The following ASIC2 variants were observed in gnomAD, a reference collection of about 807,000 sequenced individuals.
ASIC2 encodes the protein acid sensing ion channel subunit 2, also known as acid-sensing ion channel 2.
ASIC2 carries 25 observed loss-of-function variants against 57.3 expected under a neutral mutation model. The observed-to-expected ratio is 0.44, with a 90% CI of 0.32 to 0.61. The LOEUF is 0.61. Among genes scored for constraint, ASIC2 ranks in the 20% least tolerant of loss-of-function variants. The pLI, the probability that ASIC2 is intolerant of heterozygous loss-of-function variation, is 0.06. For synonymous variants in ASIC2, 319 were observed against 307.5 expected (o/e 1.04, Z -0.39); for missense variants, 641 against 738.1 (o/e 0.87, Z 1.52).
At chr17:33,416,335 T>C (rs973557378) in intron 1 of ASIC2, among the ~76,000 whole-genome samples, 1 of 152,250 alleles carries the variant, frequency 6.6e-6, no homozygotes, top group Admixed American at 6.5e-5. Flanking sequence ...CCATTCATCA[T>C]GGCAGTTGAC....
At chr17:33,156,047 C>T (rs1282137854) in intron 1 of ASIC2, among the ~76,000 whole-genome samples, 1 of 152,116 alleles carries the variant, frequency 6.6e-6, no homozygotes, top group Non-Finnish European at 1.5e-5. Flanking sequence ...CCTCACACAG[C>T]TTTTAAAATC....
rs182398676 is a variant in ASIC2, at chr17:33,465,717, A to G, written c.556-353650T>C. The stretch of plus-strand genomic sequence containing the variant: ...ATAGGTAACTTATTCAGAACAGGAA[A>G]GGTCTGCCCCTTTTCCTTGAAGAAT... On this transcript the variant is annotated intron_variant, in intron 1 of 9. Coordinates refer to the ASIC2 transcript ENST00000359872. 7.7e-4 allele frequency among the ~76,000 whole-genome samples: 118 copies of G among 152,320 alleles called. 1 individual carries two copies. The highest frequency in any genetic ancestry group is 1.2e-3 in the Admixed American group (18 of 15,298).
intron 1 of ASIC2, among the ~76,000 whole-genome samples, chr17:33,819,478 A>C (rs1912684810): frequency 6.6e-6 from 1 of 152,212 alleles, no homozygotes; most frequent in Admixed American, 6.5e-5. Context: ...TAATTGCATT[A>C]ATGCTCTGTA....
intron 3 of ASIC2, among the ~76,000 whole-genome samples, chr17:33,076,650 AT>A: frequency 6.6e-6 from 1 of 152,294 alleles, no homozygotes; most frequent in East Asian, 1.9e-4. Context: ...GGGTGTGGGT[AT>A]TTTTAATACA....
chr17:33,087,723 TA>T (rs199656134), intron 3 of ASIC2, among the ~76,000 whole-genome samples: 2,393 of 147,886 alleles, frequency 0.016, 70 homozygotes, highest in African/African-American at 0.054. Context: ...CTACCATGCC[TA>T]ATTTTTTTTT....
intron 1 of ASIC2, among the ~76,000 whole-genome samples, chr17:33,527,180 G>T (rs1914909937): frequency 2.0e-5 from 3 of 152,184 alleles, no homozygotes; most frequent in Admixed American, 2.0e-4. Flanking sequence ...AGATGTGTGT[G>T]CCAGGGAGGA....
intron 1 of ASIC2, among the ~76,000 whole-genome samples, chr17:34,068,109 G>C (rs889801625): frequency 6.6e-6 from 1 of 152,198 alleles, no homozygotes; most frequent in African/African-American, 2.4e-5. Flanking sequence ...AGAGGTTACA[G>C]TGTTCTGAGT....
intron 1 of ASIC2, among the ~76,000 whole-genome samples, chr17:33,764,584 C>T (rs183648197): frequency 4.3e-4 from 65 of 152,220 alleles, no homozygotes; most frequent in African/African-American, 1.5e-3. Flanking sequence ...CATCACATGG[C>T]GAGGGGTCTG....
At chr17:33,738,408 T>G (rs1909992530) in intron 1 of ASIC2, among the ~76,000 whole-genome samples, 1 of 152,198 alleles carries the variant, frequency 6.6e-6, no homozygotes, top group African/African-American at 2.4e-5. Flanking sequence ...CATTTTCTGG[T>G]CTGCCTCTGG....
chr17:34,013,420 C>T (rs1597973942), intron 1 of ASIC2, among the ~76,000 whole-genome samples: 1 of 152,320 alleles, frequency 6.6e-6, no homozygotes, highest in Middle Eastern at 3.4e-3. Context: ...TAACGGTCCC[C>T]TTTGCAATTT....
chr17:33,180,596 G>T (rs1212435933), intron 1 of ASIC2, among the ~76,000 whole-genome samples: 1 of 152,078 alleles, frequency 6.6e-6, no homozygotes, highest in Non-Finnish European at 1.5e-5. Flanking sequence ...TCCCCCAACT[G>T]CTGGGAGTCC....
intron 1 of ASIC2, among the ~76,000 whole-genome samples, chr17:33,892,509 G>A (rs898724234): frequency 1.3e-5 from 2 of 152,068 alleles, no homozygotes; most frequent in Non-Finnish European, 2.9e-5. Flanking sequence ...CTTTCTCCTT[G>A]AAATAATCCC....
intron 1 of ASIC2, among the ~76,000 whole-genome samples, chr17:33,910,984 C>T (rs1016717609): frequency 6.6e-6 from 1 of 152,070 alleles, no homozygotes; most frequent in Non-Finnish European, 1.5e-5. Flanking sequence ...CCCAGCCTAG[C>T]GAAGGGCAAG....
chr17:34,134,668 C>T (rs1912080139), intron 1 of ASIC2, among the ~76,000 whole-genome samples: 1 of 152,208 alleles, frequency 6.6e-6, no homozygotes, highest in Non-Finnish European at 1.5e-5. Context: ...ATTACTTTCT[C>T]AATGCCAGTT....
intron 1 of ASIC2, among the ~76,000 whole-genome samples, chr17:33,120,210 G>C (rs2092296399): frequency 6.6e-6 from 1 of 152,222 alleles, no homozygotes; most frequent in South Asian, 2.1e-4. Context: ...CCCATCTGCT[G>C]TGATGTGACA....
intron 1 of ASIC2, among the ~76,000 whole-genome samples, chr17:33,614,611 T>G (rs950882815): frequency 6.6e-6 from 1 of 152,244 alleles, no homozygotes; most frequent in African/African-American, 2.4e-5. Context: ...ATATTTTTTC[T>G]GATTAAAAAA....
Position 33,611,517 on chromosome 17 carries a change from G to T in ASIC2, c.556-499450C>A, listed in dbSNP as rs1905409956. ...AACAGTAATTATTTTTATGTTCACTGGTCTGTAGGTTGACTGAAGTTTGGC... is the reference window on the plus strand; with the variant it reads ...AACAGTAATTATTTTTATGTTCACTTGTCTGTAGGTTGACTGAAGTTTGGC... On this transcript the variant is annotated intron_variant, in intron 1 of 9. Coordinates refer to the ASIC2 transcript ENST00000359872. Among the ~76,000 whole-genome samples the T allele has an allele frequency of 2.0e-5, 3 of 152,166 alleles. No individual in the cohort carries two copies. The South Asian group carries it at 6.2e-4, about 32-fold the overall frequency.
At chr17:33,030,139 T>G (rs1203869082) in intron 3 of ASIC2, among the ~76,000 whole-genome samples, 1 of 152,192 alleles carries the variant, frequency 6.6e-6, no homozygotes, top group Non-Finnish European at 1.5e-5. Flanking sequence ...AGATATAATT[T>G]ATATACAATA....
chr17:33,419,851 T>C (rs1040087003), intron 1 of ASIC2, among the ~76,000 whole-genome samples: 1 of 152,098 alleles, frequency 6.6e-6, no homozygotes, highest in African/African-American at 2.4e-5. Context: ...GATGAAACTA[T>C]CTTTGAGACA....
Sources: allele counts gnomAD v4.1 joint callset (sites outside exome capture counted in the v4.1 genomes callset), GRCh38; gene constraint gnomAD v4.1.1; transcripts MANE v1.5; gene names NCBI Gene and HGNC (gene_info 2026-07-23, HGNC 2026-07-21).